Variants in IRAK3 observed in about 807,000 individuals in gnomAD.
The protein encoded by IRAK3 is interleukin-1 receptor-associated kinase 3.
In IRAK3, 57 loss-of-function variants were observed where a neutral mutation model predicts 56.6. The observed-to-expected ratio is 1.01, with a 90% CI of 0.81 to 1.26. The LOEUF (loss-of-function observed/expected upper bound fraction) is 1.26. IRAK3 is among the 50% of genes most tolerant of loss of function. The pLI is 0.00. For missense variants in IRAK3, 703 were observed against 719.0 expected (o/e 0.98, Z 0.25); for synonymous variants, 258 against 255.7 (o/e 1.01, Z -0.09).
chr12:66,247,778 T>G lies in IRAK3; in HGVS notation c.1398T>G (p.Pro466=). ...PPTSLKSFRC[P]SPLFLENVPS... is the part of the protein sequence containing the mutation. The stretch of plus-strand genomic sequence containing the variant: ...CATCACTAAAGTCCTTCAGGTGTCC[T>G]TCTCCTCTATTCCTGGAGAATGTAC... The change falls in exon 12 of 12, where the codon CCT becomes CCG. Residue 466 remains proline (P), a synonymous_variant. Transcript: ENST00000261233. 3 of 1,614,154 alleles carry G rather than the reference T, an allele frequency of 1.9e-6. No homozygotes were observed. Among genetic ancestry groups the G allele is most frequent in the Non-Finnish European group, 2.5e-6 (3 of 1,179,958 alleles).
chr12:66,194,311 C>T lies in IRAK3; in HGVS notation c.133+4879C>T, dbSNP rs146993133. Among the ~76,000 whole-genome samples the T allele has an allele frequency of 3.0e-4, 46 of 152,288 alleles. No homozygotes were observed. In the South Asian group the frequency reaches 5.4e-3, roughly 18 times the overall value. On this transcript the variant is annotated intron_variant, in intron 1 of 11. Coordinates refer to ENST00000261233, the MANE Select transcript of IRAK3 (RefSeq NM_007199.3). ...GCTAACACCCCACTGCTCTGTTCCT[C>T]TTTGTGGTAATATTCCTCAAAAGGG...
chr12:66,245,383 G>T (rs949676415), intron 11 of IRAK3, 121 bp downstream of exon 11: 1 of 1,040,890 alleles, frequency 9.6e-7, no homozygotes, highest in Admixed American at 1.9e-5. Context: ...CTCCAACAGA[G>T]AATTCCAACA....
chr12:66,202,077 A>C (rs577757830), intron 1 of IRAK3, among the ~76,000 whole-genome samples: 3 of 152,342 alleles, frequency 2.0e-5, no homozygotes, highest in East Asian at 1.9e-4. Flanking sequence ...CAAATGAGTA[A>C]ATATATTATC....
chr12:66,226,583 T>C, intron 6 of IRAK3, 140 bp from the exon 7 acceptor site: 1 of 682,968 alleles, frequency 1.5e-6, no homozygotes, highest in Non-Finnish European at 2.7e-6. Flanking sequence ...AATCTGTGTC[T>C]GTACCCAATG....
chr12:66,225,012 TC>T (rs2052771123), intron 6 of IRAK3, among the ~76,000 whole-genome samples: 1 of 152,174 alleles, frequency 6.6e-6, no homozygotes, highest in Admixed American at 6.5e-5. Context: ...CCAAGGTATC[TC>T]CATGTTCCAT....
chr12:66,193,626 C>CTTTGACA (rs141358512), intron 1 of IRAK3, among the ~76,000 whole-genome samples: 10,713 of 151,878 alleles, frequency 0.071, 1,242 homozygotes, highest in African/African-American at 0.24. Context: ...AGACTTTCCT[C>CTTTGACA]GTTTTGAGGA....
chr12:66,189,611 G>A (rs1467498740), intron 1 of IRAK3, among the ~76,000 whole-genome samples, 179 bp downstream of exon 1: 1 of 152,166 alleles, frequency 6.6e-6, no homozygotes, highest in Admixed American at 6.5e-5. Flanking sequence ...CTGGGACCCA[G>A]ATGCCTTCCC....
intron 5 of IRAK3, among the ~76,000 whole-genome samples, chr12:66,215,786 G>GCACACACACACACACA (rs71096080): frequency 2.4e-5 from 3 of 122,834 alleles, no homozygotes; most frequent in East Asian, 2.3e-4. Flanking sequence ...AACCCAACAT[G>GCACACACACACACACA]CACACACACA....
In IRAK3 at chr12:66,211,465, C is replaced by T. The variant is rs1555203200; in HGVS notation, c.456C>T (p.Ser152=). ...HNEKGILLKS[S]ISFQNIIEGT... ...CCTAAGGAATACTGCTTAAATCTTCCATCAGCTTTCAAAATATCATAGAAG... is the reference window on the plus strand; with the variant it reads ...CCTAAGGAATACTGCTTAAATCTTCTATCAGCTTTCAAAATATCATAGAAG... The change falls in exon 5 of 12, where the codon TCC becomes TCT. Residue 152 remains serine, a synonymous_variant. Coordinates refer to ENST00000261233, the MANE Select transcript of IRAK3 (RefSeq NM_007199.3). 6.3e-7 allele frequency: 1 copy of T among 1,598,182 alleles called. No homozygotes were observed. The highest frequency in any genetic ancestry group is 1.1e-5 in the South Asian group (1 of 90,798).
intron 6 of IRAK3, among the ~76,000 whole-genome samples, chr12:66,225,288 A>G (rs368804443): frequency 6.6e-6 from 1 of 151,676 alleles, no homozygotes; most frequent in African/African-American, 2.4e-5. Flanking sequence ...TCATAGATAT[A>G]GTTGGAATCA....
chr12:66,197,027 G>C (rs1341881984), intron 1 of IRAK3: 2 of 1,528,738 alleles, frequency 1.3e-6, no homozygotes, highest in South Asian at 2.4e-5. Context: ...ATGGAGACGT[G>C]ATTTCTGCAA....
intron 8 of IRAK3, chr12:66,234,990 A>C: frequency 6.2e-7 from 1 of 1,613,806 alleles, no homozygotes; most frequent in Non-Finnish European, 8.5e-7. Flanking sequence ...TAACCTTTGC[A>C]TTTGTTCGTT....
At chr12:66,219,798 T>C (rs530187450) in intron 6 of IRAK3, among the ~76,000 whole-genome samples, 29 of 152,336 alleles carry the variant, frequency 1.9e-4, no homozygotes, top group Non-Finnish European at 3.8e-4. Flanking sequence ...TTTCTGATGA[T>C]TAGTGATGTT....
At chr12:66,239,927 A>G (rs183103312) in intron 8 of IRAK3, among the ~76,000 whole-genome samples, 19 of 152,306 alleles carry the variant, frequency 1.2e-4, no homozygotes, top group Admixed American at 9.2e-4. Context: ...ACGTTTGCCC[A>G]GAACTTCCTG....
At chr12:66,203,688 T>C (rs778147084) in intron 1 of IRAK3, 23 bp from the exon 2 acceptor site, 15 of 1,610,166 alleles carry the variant, frequency 9.3e-6, no homozygotes, top group Non-Finnish European at 1.3e-5. Context: ...AACAATTCTT[T>C]GTTTATATTG....
chr12:66,239,721 A>G (rs1450745554), intron 8 of IRAK3, among the ~76,000 whole-genome samples: 1 of 152,148 alleles, frequency 6.6e-6, no homozygotes, highest in African/African-American at 2.4e-5. Flanking sequence ...CTCTTCTAAA[A>G]TATCCAAATA....
rs181887976 is a variant in IRAK3, at chr12:66,205,756, T to C, written c.316+1863T>C. Among the ~76,000 whole-genome samples the C allele has an allele frequency of 2.5e-3, 385 of 152,344 alleles. 3 individuals are homozygous for C. The highest frequency in any genetic ancestry group is 3.9e-3 in the Non-Finnish European group (264 of 68,030). Reference sequence around the variant, plus strand: ...GGAACTGATTTTATTTTAGAAGAATTTGGGGCTTTTATATTCCAGCTTCCA... The same window carrying C: ...GGAACTGATTTTATTTTAGAAGAATCTGGGGCTTTTATATTCCAGCTTCCA... On this transcript the variant is annotated intron_variant, in intron 2 of 11. Transcript: ENST00000261233.
Position 66,252,252 on chromosome 12 carries a change from C to T in IRAK3, c.*4081C>T, listed in dbSNP as rs937981820. ...GAAACTAACTTGCTAAAATCAAGTC[C>T]TCCCAGTCCTCCCATCAGGTCCTTC... On this transcript the variant is annotated 3_prime_UTR_variant, in exon 12 of 12. Transcript: ENST00000261233. 7 of 152,192 alleles carry T rather than the reference C, an allele frequency of 4.6e-5. No individual in the cohort carries two copies. Among genetic ancestry groups the T allele is most frequent in the Non-Finnish European group, 7.3e-5 (5 of 68,042 alleles). The allele number at this position is 152,192 out of a possible 1,614,324, so 9.4% of individuals were successfully genotyped here.
chr12:66,190,307 G>A (rs1284751594), intron 1 of IRAK3, among the ~76,000 whole-genome samples: 1 of 151,894 alleles, frequency 6.6e-6, no homozygotes, highest in African/African-American at 2.4e-5. Context: ...GACAGTCTTT[G>A]AATTGTAGCA....
Sources: allele counts gnomAD v4.1 joint callset (sites outside exome capture counted in the v4.1 genomes callset), GRCh38; gene constraint gnomAD v4.1.1; transcripts MANE v1.5; gene names NCBI Gene and HGNC (gene_info 2026-07-23, HGNC 2026-07-21).